PI4K2A: variants seen among roughly 807,000 people sequenced by gnomAD.
PI4K2A encodes the protein phosphatidylinositol 4-kinase type 2-alpha.
PI4K2A carries 20 observed loss-of-function variants against 55.0 expected under a neutral mutation model. The observed-to-expected ratio is 0.36, with a 90% confidence interval of 0.26 to 0.53. The LOEUF (loss-of-function observed/expected upper bound fraction) is 0.53, where lower values mean the gene tolerates loss of function less well. PI4K2A is among the 20% of genes least tolerant of loss of function. The probability of loss-of-function intolerance (pLI) is 0.91; values close to 1 mark genes in which losing one functional copy is unlikely to be tolerated. For synonymous variants in PI4K2A, 235 were observed against 258.5 expected (o/e 0.91, Z 0.87); for missense variants, 463 against 637.1 (o/e 0.73, Z 2.94).
In PI4K2A at chr10:97,650,373, A is replaced by G. The variant is rs1173337972; in HGVS notation, c.436-568A>G. Among the ~76,000 whole-genome samples, 8 of 142,674 alleles carry G rather than the reference A, an allele frequency of 5.6e-5. No individual in the cohort carries two copies. In the South Asian group the frequency reaches 1.3e-3, roughly 23 times the overall value. 93.6% of individuals were successfully genotyped at this position (142,674 alleles called of 152,430 possible). ...CTAGGCTCACTGCAACCTCCGCCCC[A>G]TGGGTTCAAGTGATTCTCATGCCTC... On this transcript the variant is annotated intron_variant, in intron 1 of 8. Transcript: ENST00000370631.
chr10:97,656,989 G>A lies in PI4K2A; in HGVS notation c.922+15G>A. 2 of 1,614,036 alleles carry A rather than the reference G, an allele frequency of 1.2e-6. No individual in the cohort carries two copies. Among genetic ancestry groups the A allele is most frequent in the Non-Finnish European group, 1.7e-6 (2 of 1,179,928 alleles). Reference sequence around the variant, plus strand: ...CCGCAACACTGGTGAGCAGCTGCAGGTGGTCCCATGCCCTGTGCCAGACTG... The same window carrying A: ...CCGCAACACTGGTGAGCAGCTGCAGATGGTCCCATGCCCTGTGCCAGACTG... On this transcript the variant is annotated intron_variant, in intron 4 of 8. Coordinates refer to ENST00000370631, the Ensembl canonical transcript of PI4K2A. The surrounding 1 kb of genome is among the most constrained non-coding windows in gnomAD (Gnocchi z 4.5).
chr10:97,655,700 AAG>A (rs35501390), intron 2 of PI4K2A, among the ~76,000 whole-genome samples: 25,594 of 151,918 alleles, frequency 0.17, 2,340 homozygotes, highest in Non-Finnish European at 0.21. Context: ...TCAGCCTCCG[AAG>A]TATCTAGGAT....
exon 1 of PI4K2A, chr10:97,640,888 C>A: frequency 7.7e-7 from 1 of 1,296,284 alleles, no homozygotes; most frequent in Non-Finnish European, 9.8e-7. Context: ...CCCTCTCCGC[C>A]GGGCTCGCCG....
chr10:97,673,514 C>G, intron 8 of PI4K2A, 67 bp from the exon 9 acceptor site: 1 of 1,383,010 alleles, frequency 7.2e-7, no homozygotes, highest in Non-Finnish European at 1.0e-6. Flanking sequence ...CTCTACTGAT[C>G]TCCTTTCAGA....
exon 9 of PI4K2A, chr10:97,674,618 C>A (rs1219886079): frequency 6.6e-6 from 1 of 152,208 alleles, no homozygotes; most frequent in African/African-American, 2.4e-5. Flanking sequence ...TTCCTGAGTC[C>A]TTGGTCCCAA....
intron 1 of PI4K2A, among the ~76,000 whole-genome samples, chr10:97,646,717 CCTT>C (rs1421614877): frequency 1.3e-5 from 2 of 152,166 alleles, no homozygotes; most frequent in Admixed American, 6.5e-5. Context: ...ACACCCTCCT[CCTT>C]GTCATTGCTG....
chr10:97,671,157 G>A (rs1316329039), intron 8 of PI4K2A, among the ~76,000 whole-genome samples: 2 of 151,660 alleles, frequency 1.3e-5, no homozygotes, highest in Non-Finnish European at 2.9e-5. Context: ...AAAAGAGAGA[G>A]AGAGAGAAGA....
At chr10:97,673,487 T>A (rs2041646315) in intron 8 of PI4K2A, 94 bp from the exon 9 acceptor site, 3 of 958,284 alleles carry the variant, frequency 3.1e-6, no homozygotes, top group Non-Finnish European at 4.6e-6. Flanking sequence ...TTTAAAAAAT[T>A]GATTTGTAGG....
chr10:97,646,093 T>TCACTCC (rs1165705409), intron 1 of PI4K2A, among the ~76,000 whole-genome samples: 5 of 152,172 alleles, frequency 3.3e-5, no homozygotes, highest in Non-Finnish European at 7.4e-5. Context: ...CATTCTCATT[T>TCACTCC]ACTTAGGAGT....
At chr10:97,658,887 T>C (rs949085452) in intron 4 of PI4K2A, among the ~76,000 whole-genome samples, 6 of 152,218 alleles carry the variant, frequency 3.9e-5, no homozygotes, top group African/African-American at 1.4e-4. Flanking sequence ...TTTGGAGCTG[T>C]CTATTTAAGT....
Position 97,640,695 on chromosome 10 carries a change from G to A in PI4K2A, c.-48G>A, listed in dbSNP as rs754689893. ...TGTCACGGATTGGTCGCGGCCGCGA[G>A]CGCAGTGGTGTGGAGCGCGCCGGGT... On this transcript the variant is annotated 5_prime_UTR_variant, in exon 1 of 9. Transcript: ENST00000370631. 1.4e-5 allele frequency: 19 copies of A among 1,338,034 alleles called. No homozygotes were observed. In the South Asian group the frequency reaches 2.8e-4, roughly 20 times the overall value. 82.9% of individuals were successfully genotyped at this position (1,338,034 alleles called of 1,614,324 possible).
chr10:97,666,351 T>A, intron 6 of PI4K2A, 87 bp from the exon 7 acceptor site: 1 of 1,272,534 alleles, frequency 7.9e-7, no homozygotes, highest in Non-Finnish European at 1.1e-6. Flanking sequence ...GGGGTTCTCC[T>A]TTAGAAAGTG....
At position 97,649,609 on chromosome 10, in the gene PI4K2A, A is replaced by ATTTTTTTTTTTT. The variant is rs60329004; in HGVS notation, c.436-1312_436-1301dup. ...TTTCCTTAACCTCATTCCATAATAG[A>ATTTTTTTTTTTT]TTTTTTTTTTTTTTTTTTTTTTTTT... is the stretch of plus-strand genomic sequence containing the variant. On this transcript the variant is annotated intron_variant, in intron 1 of 8. Transcript: ENST00000370631. 4.1e-4 allele frequency among the ~76,000 whole-genome samples: 29 copies of ATTTTTTTTTTTT among 70,552 alleles called. 6 individuals are homozygous for ATTTTTTTTTTTT. The highest frequency in any genetic ancestry group is 7.7e-4 in the Non-Finnish European group (25 of 32,350). The allele number at this position is 70,552 out of a possible 152,430, so 46.3% of individuals were successfully genotyped here.
intron 7 of PI4K2A, 97 bp from the exon 8 acceptor site, chr10:97,666,964 C>G: frequency 3.4e-6 from 3 of 880,220 alleles, no homozygotes; most frequent in Non-Finnish European, 5.6e-6. Flanking sequence ...AAGCCTTATG[C>G]AGGTTTTCCT....
chr10:97,651,923 T>C (rs1450805665), intron 2 of PI4K2A, among the ~76,000 whole-genome samples: 1 of 152,112 alleles, frequency 6.6e-6, no homozygotes, highest in Non-Finnish European at 1.5e-5. Flanking sequence ...CATATGAACA[T>C]GTCCGGACAC....
intron 2 of PI4K2A, 30 bp downstream of exon 2, chr10:97,651,171 TGCCTG>T (rs766666712): frequency 1.3e-6 from 2 of 1,571,312 alleles, no homozygotes. Context: ...GAAGCCTTAC[TGCCTG>T]GCCACAGTTT....
Position 97,656,474 on chromosome 10 carries a change from A to T in PI4K2A, c.768+58A>T. On this transcript the variant is annotated intron_variant, in intron 3 of 8. Coordinates refer to ENST00000370631, the Ensembl canonical transcript of PI4K2A. This position sits in a 1 kb window ranked among gnomAD's most constrained non-coding sequence, Gnocchi z 4.5. ...TGATTTATAGTGACATAGTCATCCA[A>T]GTGGTGAAGCAAGGTGCCTACAACT... 1.9e-6 allele frequency: 3 copies of T among 1,556,222 alleles called. No individual in the cohort carries two copies. The Admixed American group carries it at 5.1e-5, about 26-fold the overall frequency.
chr10:97,653,831 C>T (rs760654839), intron 2 of PI4K2A, among the ~76,000 whole-genome samples: 8 of 152,044 alleles, frequency 5.3e-5, no homozygotes, highest in Non-Finnish European at 1.0e-4. Context: ...GCAGGAGAAT[C>T]GCTTGAACCT....
At chr10:97,648,215 C>A (rs2041514828) in intron 1 of PI4K2A, among the ~76,000 whole-genome samples, 1 of 151,682 alleles carries the variant, frequency 6.6e-6, no homozygotes, top group Non-Finnish European at 1.5e-5. Context: ...TGCCTCGCCT[C>A]CCGAGTAGCT....
Sources: gnomAD v4.1 joint callset for allele counts (sites outside exome capture counted in the v4.1 genomes callset) on GRCh38, gnomAD v4.1.1 for gene constraint, Gnocchi (gnomAD v3.1) non-coding constraint, MANE v1.5 for transcripts, NCBI Gene and HGNC (gene_info 2026-07-23, HGNC 2026-07-21) for gene names.